Variants in CFAP92 observed in about 807,000 individuals in gnomAD.
The protein encoded by CFAP92 is cilia and flagella associated protein 92 (putative).
CFAP92 carries 86 observed loss-of-function variants against 106.3 expected under a neutral mutation model. The observed-to-expected ratio is 0.81, with a 90% confidence interval of 0.68 to 0.97. The LOEUF (loss-of-function observed/expected upper bound fraction) is 0.97, where lower values mean the gene tolerates loss of function less well. CFAP92 is among the 50% of genes least tolerant of loss of function. The pLI is 0.00. For missense variants in CFAP92, 1,204 were observed against 1,283.8 expected, an observed-to-expected ratio of 0.94 and a Z score of 0.95; for synonymous variants, 477 against 506.4, an observed-to-expected ratio of 0.94 and a Z score of 0.78.
chr3:129,002,401 C>G, intron 1 of CFAP92: 1 of 1,457,596 alleles, frequency 6.9e-7, no homozygotes, highest in Non-Finnish European at 9.0e-7. Context: ...CTGCGGAGCC[C>G]GACAGGACAG....
At chr3:129,014,284 G>A in the CFAP92 span, among the ~76,000 whole-genome samples, 2 of 152,240 alleles carry the variant, frequency 1.3e-5, no homozygotes, top group African/African-American at 4.8e-5. The surrounding 1 kb of genome is among the most constrained non-coding windows in gnomAD (Gnocchi z 4.3). Flanking sequence ...GGGTCAGGGA[G>A]TGTGAGTCAG....
intron 4 of CFAP92, among the ~76,000 whole-genome samples, chr3:128,982,898 C>G (rs1198127441): frequency 6.6e-6 from 1 of 152,128 alleles, no homozygotes; most frequent in African/African-American, 2.4e-5. Context: ...CGTGGCACCT[C>G]CAAACATTTA....
Position 128,911,449 on chromosome 3 carries a change from T to C in CFAP92, c.3281-1116A>G, listed in dbSNP as rs957139708. Among the ~76,000 whole-genome samples the C allele has an allele frequency of 2.0e-5, 3 of 152,072 alleles. No individual in the cohort carries two copies. The East Asian group carries it at 5.8e-4, about 29-fold the overall frequency. ...CATGCCTGGCTGTATTCTCTTTTTT[T>C]TGGAGACATAGTCTCACTTTGTCAC... is the stretch of plus-strand genomic sequence containing the variant. On this transcript the variant is annotated intron_variant, in intron 15 of 15. Transcript: ENST00000645291.
At chr3:128,925,701 G>A (rs189621566) in intron 12 of CFAP92, among the ~76,000 whole-genome samples, 1 of 152,192 alleles carries the variant, frequency 6.6e-6, no homozygotes, top group Non-Finnish European at 1.5e-5. Flanking sequence ...GATTTAACAA[G>A]TTCTAGAAAC....
At chr3:128,946,279 C>A (rs931656970) in intron 9 of CFAP92, among the ~76,000 whole-genome samples, 2 of 152,118 alleles carry the variant, frequency 1.3e-5, no homozygotes, top group African/African-American at 4.8e-5. Flanking sequence ...TTTTTCATAC[C>A]TGTACTTCTA....
chr3:128,993,997 GGGCGGCAGCGGGGAGTTGGACCGC>G lies in CFAP92; in HGVS notation c.-74_-51del. 2 of 987,414 alleles carry G rather than the reference GGGCGGCAGCGGGGAGTTGGACCGC, an allele frequency of 2.0e-6. No homozygotes were observed. Among genetic ancestry groups the G allele is most frequent in the Non-Finnish European group, 2.4e-6 (2 of 831,018 alleles). The allele number at this position is 987,414 out of a possible 1,614,324, so 61.2% of individuals were successfully genotyped here. On this transcript the variant is annotated 5_prime_UTR_variant, in exon 1 of 16. Coordinates refer to ENST00000645291, the MANE Select transcript of CFAP92 (RefSeq NM_001394090.1). ...GGCGGTACCTGCGAGCGGATGCGCT[GGGCGGCAGCGGGGAGTTGGACCGC>G]GGCGGCAACTCCCGTACCGGATCCA...
chr3:128,916,188 G>C lies in CFAP92; in HGVS notation c.2835C>G (p.Asn945Lys), dbSNP rs1191586658. Residue 945 changes from asparagine (N) to lysine (K), a missense_variant, in exon 13 of 16, where the codon AAC becomes AAG. Asn to Lys is a moderately conservative substitution (Grantham distance 94, BLOSUM62 0). Transcript: ENST00000645291. ...GGGTACTATAGTTGTAGACGGCCTT[G>C]TTGGCAGGGGCTGAAATTTTAATCA... ...AKVIKISAPA[N>K]KAVYNYSTQT... 40 of 1,232,002 alleles carry C rather than the reference G, an allele frequency of 3.2e-5. No individual in the cohort carries two copies. Among genetic ancestry groups the C allele is most frequent in the Non-Finnish European group, 4.0e-5 (40 of 987,974 alleles). The allele number at this position is 1,232,002 out of a possible 1,614,324, so 76.3% of individuals were successfully genotyped here.
At chr3:129,023,272 A>G in the CFAP92 span, among the ~76,000 whole-genome samples, 5 of 151,588 alleles carry the variant, frequency 3.3e-5, no homozygotes, top group Non-Finnish European at 5.9e-5. Flanking sequence ...TCATCACTCA[A>G]AGTACAGAGA....
intron 12 of CFAP92, among the ~76,000 whole-genome samples, chr3:128,923,481 A>T (rs1231825287): frequency 1.3e-5 from 2 of 152,226 alleles, no homozygotes; most frequent in Non-Finnish European, 2.9e-5. Context: ...AGAGACCCTA[A>T]TAGGCAGGAA....
At chr3:128,946,022 T>C in intron 9 of CFAP92, 47 bp from the exon 10 acceptor site, 1 of 1,345,838 alleles carries the variant, frequency 7.4e-7, no homozygotes, top group South Asian at 1.7e-5. Context: ...ACAAGGACAG[T>C]CACTCAGCCC....
intron 12 of CFAP92, among the ~76,000 whole-genome samples, chr3:128,929,813 G>C (rs1004782421): frequency 6.6e-6 from 1 of 152,062 alleles, no homozygotes; most frequent in Non-Finnish European, 1.5e-5. Context: ...TACTTTTTGT[G>C]GTGATGGAAA....
At chr3:128,970,806 C>G (rs1942733847) in intron 8 of CFAP92, 1 of 158,910 alleles carries the variant, frequency 6.3e-6, no homozygotes, top group African/African-American at 2.4e-5. Flanking sequence ...ACAGCCACCA[C>G]CACACCACAG....
upstream of CFAP92, among the ~76,000 whole-genome samples, chr3:128,998,010 A>G (rs1944545286): frequency 6.6e-6 from 1 of 152,230 alleles, no homozygotes; most frequent in South Asian, 2.1e-4. Flanking sequence ...AGTATAATAT[A>G]GTATTTCATC....
At chr3:128,953,219 G>C (rs896230099) in intron 9 of CFAP92, among the ~76,000 whole-genome samples, 8 of 150,670 alleles carry the variant, frequency 5.3e-5, no homozygotes, top group Non-Finnish European at 1.0e-4. Flanking sequence ...AATAGAAATA[G>C]AAATACCCAA....
rs1346394000 is a variant in CFAP92 at position 128,993,072 on chromosome 3, G to C, written c.233C>G (p.Thr78Ser). ...ATTCACAGGGAAGGCCAGTGAGATGGTGAATTTGCAGGGGACCACGTGGGG... is the reference window on the plus strand; with the variant it reads ...ATTCACAGGGAAGGCCAGTGAGATGCTGAATTTGCAGGGGACCACGTGGGG... ...DVPHVVPCKF[T>S]ISLAFPVNMG... Residue 78 changes from threonine to serine, a missense_variant, in exon 2 of 16, where the codon ACC (threonine) becomes AGC (serine). Thr to Ser is a moderately conservative substitution (Grantham distance 58). Transcript: ENST00000645291. 2 of 1,614,104 alleles carry C rather than the reference G, an allele frequency of 1.2e-6. No individual in the cohort carries two copies. Among genetic ancestry groups the C allele is most frequent in the South Asian group, 2.2e-5 (2 of 91,088 alleles).
the CFAP92 span, among the ~76,000 whole-genome samples, chr3:129,014,806 A>G: frequency 2.0e-5 from 3 of 152,240 alleles, no homozygotes; most frequent in East Asian, 5.8e-4. This position sits in a 1 kb window ranked among gnomAD's most constrained non-coding sequence, Gnocchi z 4.3. Context: ...CACTGCCTGC[A>G]CGGGGACGAG....
At chr3:129,008,626 A>C in the CFAP92 span, among the ~76,000 whole-genome samples, 1 of 151,454 alleles carries the variant, frequency 6.6e-6, no homozygotes, top group Non-Finnish European at 1.5e-5. Context: ...GGGACACAGA[A>C]ATGGCAGTAG....
chr3:128,978,032 C>A lies in CFAP92; in HGVS notation c.808+13G>T. On this transcript the variant is annotated intron_variant, in intron 5 of 15. Transcript: ENST00000645291. ...TTGCACTCAGCTTGTCCACAAAGGC[C>A]TTCTCCGCTCACCTTGCAAAGACTT... 6.2e-7 allele frequency: 1 copy of A among 1,613,756 alleles called. No homozygotes were observed. Among genetic ancestry groups the A allele is most frequent in the East Asian group, 2.2e-5 (1 of 44,884 alleles).
the CFAP92 span, among the ~76,000 whole-genome samples, chr3:129,019,623 C>T: frequency 2.0e-5 from 3 of 152,146 alleles, no homozygotes; most frequent in African/African-American, 7.2e-5. Flanking sequence ...TCAGCACTGT[C>T]CAACTGGACT....
Sources: allele counts gnomAD v4.1 joint callset (sites outside exome capture counted in the v4.1 genomes callset), GRCh38; gene constraint gnomAD v4.1.1; non-coding constraint Gnocchi (gnomAD v3.1); transcripts MANE v1.5; gene names NCBI Gene and HGNC (gene_info 2026-07-23, HGNC 2026-07-21).